RNF19B: variants seen among roughly 807,000 people sequenced by gnomAD.
RNF19B encodes the protein ring finger protein 19B.
In RNF19B, 23 loss-of-function variants were observed where a neutral mutation model predicts 65.5. The ratio of observed to expected loss-of-function variants is 0.35; its 90% CI spans 0.25 to 0.50. RNF19B has a LOEUF of 0.50. RNF19B is among the 20% of genes least tolerant of loss of function. The pLI is 0.98. For missense variants in RNF19B, 794 were observed against 980.0 expected (o/e 0.81, Z 2.53); for synonymous variants, 372 against 379.6 (o/e 0.98, Z 0.23).
At chr1:32,961,319 G>A (rs1203933009) in intron 1 of RNF19B, among the ~76,000 whole-genome samples, 1 of 152,164 alleles carries the variant, frequency 6.6e-6, no homozygotes, top group African/African-American at 2.4e-5. Context: ...CCAAGCAGCA[G>A]CATCCTCAAT....
chr1:32,964,762 G>A lies in RNF19B; in HGVS notation c.-77C>T. 7.9e-7 allele frequency: 1 copy of A among 1,259,298 alleles called. No individual in the cohort carries two copies. The highest frequency in any genetic ancestry group is 1.0e-6 in the Non-Finnish European group (1 of 993,270). The allele number at this position is 1,259,298 out of a possible 1,614,324, so 78.0% of individuals were successfully genotyped here. A position where few individuals can be genotyped will look rare whatever the true frequency, so the allele number is the denominator to read the frequency against. On this transcript the variant is annotated 5_prime_UTR_variant, in exon 1 of 9. Coordinates refer to ENST00000235150, the MANE Select transcript of RNF19B (RefSeq NM_001300826.2). This position sits in a 1 kb window ranked among gnomAD's most constrained non-coding sequence, Gnocchi z 6.5. ...CCTCAGCGCCCCTCAGCCAGCGCCC[G>A]GCCGCCGCCGACGCCGCCACCACCG... is the stretch of plus-strand genomic sequence containing the variant.
At chr1:32,960,349 A>G (rs563406393) in intron 1 of RNF19B, among the ~76,000 whole-genome samples, 4 of 152,130 alleles carry the variant, frequency 2.6e-5, no homozygotes, top group Non-Finnish European at 4.4e-5. Flanking sequence ...GCTGGCAAGA[A>G]CTTTATCTGT....
chr1:32,949,048 C>T (rs903650425), intron 2 of RNF19B, among the ~76,000 whole-genome samples: 1 of 152,222 alleles, frequency 6.6e-6, no homozygotes, highest in African/African-American at 2.4e-5. Flanking sequence ...AATAAATCCA[C>T]TGACATTTTA....
chr1:32,954,605 G>A (rs1164353965), intron 1 of RNF19B, among the ~76,000 whole-genome samples: 1 of 151,802 alleles, frequency 6.6e-6, no homozygotes, highest in African/African-American at 2.4e-5. Flanking sequence ...CAGGCATGGT[G>A]GCGCATGCCT....
At chr1:32,934,312 G>A (rs977936979), downstream of RNF19B, among the ~76,000 whole-genome samples, 8 of 152,226 alleles carry the variant, frequency 5.3e-5, no homozygotes, top group Admixed American at 4.6e-4. Flanking sequence ...CTGGTCTTCA[G>A]GGAAAGGAGG....
At position 32,936,890 on chromosome 1, in the gene RNF19B, C is replaced by G. The variant is rs138818373; in HGVS notation, c.2112G>C (p.Pro704=). The G allele has an allele frequency of 5.8e-5, 93 of 1,613,394 alleles. No homozygotes were observed. The African/African-American group carries it at 9.3e-4, about 16-fold the overall frequency. ...AGAGGTTCATATGGGCACTTGGGCT[C>G]GGTGCACCTTGGGCTCTGGGGGTCG... is the stretch of plus-strand genomic sequence containing the variant. ...CPSTPRAQGA[P]SPSAHMNLSA... Residue 704 remains proline (P), a synonymous_variant, in exon 9 of 9, where the codon CCG becomes CCC. Coordinates refer to ENST00000235150, the MANE Select transcript of RNF19B (RefSeq NM_001300826.2).
chr1:32,955,390 A>C (rs1490184163), intron 1 of RNF19B, among the ~76,000 whole-genome samples: 1 of 151,896 alleles, frequency 6.6e-6, no homozygotes, highest in East Asian at 1.9e-4. Context: ...TTAGTGGTAA[A>C]CCCCTAAGTT....
At chr1:32,957,470 G>T (rs1464329001) in intron 1 of RNF19B, among the ~76,000 whole-genome samples, 3 of 152,126 alleles carry the variant, frequency 2.0e-5, no homozygotes, top group Non-Finnish European at 4.4e-5. Context: ...TTCCTATCAA[G>T]AAAACCATGT....
At chr1:32,958,435 G>A (rs1642690670) in intron 1 of RNF19B, among the ~76,000 whole-genome samples, 1 of 152,120 alleles carries the variant, frequency 6.6e-6, no homozygotes, top group Non-Finnish European at 1.5e-5. Context: ...GGTTGGAGAT[G>A]GCCGGGCGTG....
intron 5 of RNF19B, 144 bp from the exon 6 acceptor site, chr1:32,944,303 C>T (rs1642313382): frequency 7.4e-6 from 6 of 806,752 alleles, no homozygotes; most frequent in Non-Finnish European, 1.2e-5. Context: ...CCTGGTGTAA[C>T]AGAATGATGA....
chr1:32,957,040 T>C (rs760958735), intron 1 of RNF19B, among the ~76,000 whole-genome samples: 2 of 152,136 alleles, frequency 1.3e-5, no homozygotes, highest in Non-Finnish European at 2.9e-5. Flanking sequence ...CCAAATTCCA[T>C]TCTGGAAGGT....
At chr1:32,934,765 A>G (rs1379814499), downstream of RNF19B, among the ~76,000 whole-genome samples, 1 of 152,200 alleles carries the variant, frequency 6.6e-6, no homozygotes, top group Non-Finnish European at 1.5e-5. Context: ...AAGATTTGGA[A>G]TCTGACATCA....
chr1:32,945,714 T>G, intron 4 of RNF19B, 86 bp from the exon 5 acceptor site: 1 of 731,440 alleles, frequency 1.4e-6, no homozygotes, highest in Non-Finnish European at 2.4e-6. Flanking sequence ...AATATTCACT[T>G]GTAAGTTATC....
intron 1 of RNF19B, among the ~76,000 whole-genome samples, chr1:32,950,639 C>CA (rs1450201478): frequency 6.6e-6 from 1 of 151,770 alleles, no homozygotes; most frequent in Non-Finnish European, 1.5e-5. Context: ...CAGGCTCAAG[C>CA]AATCCTCTTG....
At chr1:32,939,628 T>C (rs1308387454) in intron 7 of RNF19B, among the ~76,000 whole-genome samples, 1 of 152,206 alleles carries the variant, frequency 6.6e-6, no homozygotes, top group Non-Finnish European at 1.5e-5. Context: ...CTGAAGGACA[T>C]ACAGGAGCCA....
intron 1 of RNF19B, among the ~76,000 whole-genome samples, chr1:32,954,646 G>A (rs1642591506): frequency 6.6e-6 from 1 of 151,134 alleles, no homozygotes. Context: ...GCTGAGGCAG[G>A]AGAATTGCTT....
chr1:32,936,777 C>T lies in RNF19B; in HGVS notation c.*29G>A. On this transcript the variant is annotated 3_prime_UTR_variant, in exon 9 of 9. Transcript: ENST00000235150. Reference sequence around the variant, plus strand: ...TCCAAAAGATGCAGTTACAAGTGTGCTTCTCAGAACAGGAGCATTCATTCC... The same window carrying T: ...TCCAAAAGATGCAGTTACAAGTGTGTTTCTCAGAACAGGAGCATTCATTCC... The T allele has an allele frequency of 4.1e-6, 6 of 1,471,818 alleles. No homozygotes were observed. Among genetic ancestry groups the T allele is most frequent in the Non-Finnish European group, 5.4e-6 (6 of 1,107,592 alleles). 91.2% of individuals were successfully genotyped at this position (1,471,818 alleles called of 1,614,324 possible).
the RNF19B span, among the ~76,000 whole-genome samples, chr1:32,930,578 T>C: frequency 0.18 from 27,233 of 151,966 alleles, 2,943 homozygotes; most frequent in East Asian, 0.25. Flanking sequence ...CAGCTAATTT[T>C]TTAACTTTTT....
rs144698412 is a variant in RNF19B, at chr1:32,938,507, G to A, written c.1632C>T (p.Val544=). 48 of 1,613,982 alleles carry A rather than the reference G, an allele frequency of 3.0e-5. No individual in the cohort carries two copies. Among genetic ancestry groups the A allele is most frequent in the Non-Finnish European group, 3.8e-5 (45 of 1,180,022 alleles). The change falls in exon 8 of 9, where the codon GTC becomes GTT. Residue 544 remains valine (V), a synonymous_variant. Transcript: ENST00000235150. ...KYSRLEVQAD[V]QKEIFPKDTA... is the part of the protein sequence containing the mutation. Reference sequence around the variant, plus strand: ...TGTCTTTGGGGAAAATTTCCTTTTGGACATCGGCTTGAACTTCTAACCTGT... The same window carrying A: ...TGTCTTTGGGGAAAATTTCCTTTTGAACATCGGCTTGAACTTCTAACCTGT...
Sources: gnomAD v4.1 joint callset for allele counts (sites outside exome capture counted in the v4.1 genomes callset) on GRCh38, gnomAD v4.1.1 for gene constraint, Gnocchi (gnomAD v3.1) non-coding constraint, MANE v1.5 for transcripts, NCBI Gene and HGNC (gene_info 2026-07-23, HGNC 2026-07-21) for gene names.